OTC: variants seen among roughly 807,000 people sequenced by gnomAD.
OTC encodes the protein ornithine transcarbamylase, mitochondrial.
A neutral mutation model predicts 30.3 loss-of-function variants in OTC; 3 were observed. That is an observed-to-expected ratio of 0.10 (90% confidence interval 0.05 to 0.26). The LOEUF (loss-of-function observed/expected upper bound fraction) is 0.26, where lower values mean the gene tolerates loss of function less well. Among genes scored for constraint, OTC ranks in the 10% least tolerant of loss-of-function variants. The pLI is 1.00. For missense variants in OTC, 194 were observed against 260.3 expected (o/e 0.75, Z 1.75); for synonymous variants, 111 against 99.7 (o/e 1.11, Z -0.67).
chrX:38,332,505 TA>T, the OTC span, among the ~76,000 whole-genome samples: 1 of 19,277 alleles, frequency 5.2e-5, no homozygotes, highest in Non-Finnish European at 9.1e-5. Context: ...CCCTAGATTT[TA>T]TATATATATA....
intron 9 of OTC, among the ~76,000 whole-genome samples, chrX:38,418,127 T>C (rs756430661): frequency 2.7e-5 from 3 of 111,640 alleles, no homozygotes; most frequent in African/African-American, 6.5e-5. Flanking sequence ...GATCCCCCCC[T>C]CTCTGCATTC....
chrX:38,414,589 C>G (rs779070088), intron 9 of OTC, among the ~76,000 whole-genome samples: 1 of 111,952 alleles, frequency 8.9e-6, no homozygotes, highest in Non-Finnish European at 1.9e-5. Context: ...GCCATCTTAG[C>G]GTCTAAGTAT....
intron 1 of OTC, among the ~76,000 whole-genome samples, chrX:38,355,613 C>T (rs1026795166): frequency 2.7e-5 from 3 of 112,600 alleles, no homozygotes; most frequent in Non-Finnish European, 5.6e-5. Context: ...GTCTCTCACA[C>T]ATGCCCATCC....
At chrX:38,387,185 A>C (rs1002361402) in intron 4 of OTC, among the ~76,000 whole-genome samples, 2 of 111,127 alleles carry the variant, frequency 1.8e-5, no homozygotes, top group Admixed American at 1.9e-4. Context: ...CATTCCTTAT[A>C]TTTTGGACAT....
At chrX:38,385,966 A>C (rs2068400703) in intron 4 of OTC, among the ~76,000 whole-genome samples, 1 of 109,852 alleles carries the variant, frequency 9.1e-6, no homozygotes, top group Admixed American at 9.7e-5. Context: ...GCACACCTGT[A>C]GTCCCAGCTA....
chrX:38,408,607 A>G, intron 6 of OTC, 135 bp from the exon 7 acceptor site: 1 of 471,341 alleles, frequency 2.1e-6, no homozygotes, highest in Non-Finnish European at 3.7e-6. Context: ...TGTAAAAATC[A>G]TATTCTACTG....
At chrX:38,401,815 T>C (rs1472358952) in intron 5 of OTC, among the ~76,000 whole-genome samples, 2 of 112,057 alleles carry the variant, frequency 1.8e-5, no homozygotes, top group African/African-American at 6.5e-5. Context: ...GAGTGTGCTT[T>C]GAATATTCAA....
At chrX:38,335,714 T>C in the OTC span, among the ~76,000 whole-genome samples, 1 of 112,808 alleles carries the variant, frequency 8.9e-6, no homozygotes, top group South Asian at 3.6e-4. Flanking sequence ...TGTATATCTG[T>C]GAACAGAAGC....
At chrX:38,410,330 A>T (rs1049398906) in intron 8 of OTC, among the ~76,000 whole-genome samples, 40 of 111,897 alleles carry the variant, frequency 3.6e-4, no homozygotes, top group African/African-American at 1.0e-3. Flanking sequence ...AAATTTTTTA[A>T]AATATGAGAG....
the OTC span, among the ~76,000 whole-genome samples, chrX:38,345,065 G>A: frequency 9.0e-6 from 1 of 111,145 alleles, no homozygotes; most frequent in Non-Finnish European, 1.9e-5. Flanking sequence ...AGTTTGGTGT[G>A]GTGGCACACA....
upstream of OTC, among the ~76,000 whole-genome samples, chrX:38,350,105 CT>C (rs1386225102): frequency 9.0e-6 from 1 of 110,937 alleles, no homozygotes; most frequent in Non-Finnish European, 1.9e-5. Flanking sequence ...TCCCCACCCC[CT>C]GATGATAGAA....
the OTC span, among the ~76,000 whole-genome samples, chrX:38,340,451 G>GTTT: frequency 2.7e-5 from 1 of 37,001 alleles, no homozygotes; most frequent in Non-Finnish European, 5.4e-5. Flanking sequence ...TCCCTTCATT[G>GTTT]TTTTTTTGTT....
intron 1 of OTC, among the ~76,000 whole-genome samples, chrX:38,363,804 T>C (rs940538080): frequency 4.5e-5 from 5 of 111,677 alleles, no homozygotes; most frequent in Non-Finnish European, 7.5e-5. Flanking sequence ...AAAATGTCTT[T>C]GTATATCTAC....
At chrX:38,362,156 C>A (rs1162099508) in intron 1 of OTC, among the ~76,000 whole-genome samples, 1 of 111,686 alleles carries the variant, frequency 9.0e-6, no homozygotes, top group Non-Finnish European at 1.9e-5. Flanking sequence ...GGGAGTTTTT[C>A]TATGGATCTA....
chrX:38,349,293 G>T, upstream of OTC, among the ~76,000 whole-genome samples: 1 of 112,091 alleles, frequency 8.9e-6, no homozygotes, highest in East Asian at 2.8e-4. Flanking sequence ...GGGACCTTTT[G>T]GGGAGCATGT....
intron 6 of OTC, among the ~76,000 whole-genome samples, chrX:38,408,064 G>C (rs1345495519): frequency 8.9e-6 from 1 of 112,284 alleles, no homozygotes; most frequent in Non-Finnish European, 1.9e-5. Context: ...CTCCTTAAAT[G>C]TTTTGCCCTA....
chrX:38,416,244 C>G (rs1198652351), intron 9 of OTC, among the ~76,000 whole-genome samples: 1 of 111,594 alleles, frequency 9.0e-6, no homozygotes, highest in Non-Finnish European at 1.9e-5. Context: ...TTTAAGGCCT[C>G]CATGCTAAGA....
intron 2 of OTC, among the ~76,000 whole-genome samples, chrX:38,367,908 G>C (rs1219609622): frequency 9.0e-6 from 1 of 110,616 alleles, no homozygotes; most frequent in Non-Finnish European, 1.9e-5. Flanking sequence ...AGTAGAGATG[G>C]AGTTTTACCA....
chrX:38,341,037 A>G, the OTC span, among the ~76,000 whole-genome samples: 1 of 111,676 alleles, frequency 9.0e-6, no homozygotes, highest in Admixed American at 9.5e-5. Flanking sequence ...ACCTCAAGTG[A>G]TCCGCCTGCC....
Sources: allele counts gnomAD v4.1 joint callset (sites outside exome capture counted in the v4.1 genomes callset), GRCh38; gene constraint gnomAD v4.1.1; transcripts MANE v1.5; gene names NCBI Gene and HGNC (gene_info 2026-07-23, HGNC 2026-07-21).